The following MUC17 variants were observed in gnomAD, a reference collection of about 807,000 sequenced individuals.
MUC17 encodes mucin 17, cell surface associated.
Under a neutral mutation model 170.3 loss-of-function variants are expected in MUC17, and 190 were observed. That is an observed-to-expected ratio of 1.12 (90% CI 0.99 to 1.26). MUC17 has a LOEUF of 1.26. Among genes scored for constraint, MUC17 ranks in the 50% most tolerant of loss-of-function variants. The pLI is 0.00. For synonymous variants in MUC17, 2,325 were observed against 2,002.5 expected, an observed-to-expected ratio of 1.16 and a Z score of -4.30; for missense variants, 6,415 against 5,530.0, an observed-to-expected ratio of 1.16 and a Z score of -5.08.
At position 101,042,153 on chromosome 7, in the gene MUC17, A is replaced by T. The variant is rs1794732029; in HGVS notation, c.10737A>T (p.Thr3579=). The T allele has an allele frequency of 1.2e-6, 2 of 1,614,152 alleles. No homozygotes were observed. Among genetic ancestry groups the T allele is most frequent in the African/African-American group, 1.3e-5 (1 of 75,028 alleles). ...STPSEGSSSL[T]TMLLSSTYVT... is the part of the protein sequence containing the mutation. The stretch of plus-strand genomic sequence containing the variant: ...CAAGTGAAGGAAGCTCTTCATTAAC[A>T]ACTATGCTCCTCAGCAGCACATATG... Residue 3579 remains threonine, a synonymous_variant, in exon 3 of 13, where the codon ACA becomes ACT. Coordinates refer to ENST00000306151, the MANE Select transcript of MUC17 (RefSeq NM_001040105.2).
At chr7:101,051,225 C>T (rs1794935327) in intron 7 of MUC17, among the ~76,000 whole-genome samples, 1 of 151,792 alleles carries the variant, frequency 6.6e-6, no homozygotes, top group South Asian at 2.1e-4. Context: ...ATTAGCCAGG[C>T]ATGGTGGCAG....
intron 9 of MUC17, 84 bp from the exon 10 acceptor site, chr7:101,052,902 A>C: frequency 6.7e-7 from 1 of 1,495,580 alleles, no homozygotes; most frequent in East Asian, 2.3e-5. Flanking sequence ...CTCTTCATTA[A>C]ACACCCACTG....
At chr7:101,053,689 A>G (rs148293007) in intron 11 of MUC17, 7,259 of 314,854 alleles carry the variant, frequency 0.023, 576 homozygotes, top group East Asian at 0.2. Context: ...ACCAGCCTGG[A>G]CCACATAGTG....
Position 101,043,265 on chromosome 7 carries a change from C to T in MUC17, c.11849C>T (p.Thr3950Ile). 1 of 1,614,204 alleles carries T rather than the reference C, an allele frequency of 6.2e-7. No homozygotes were observed. Among genetic ancestry groups the T allele is most frequent in the Non-Finnish European group, 8.5e-7 (1 of 1,180,044 alleles). ...CCCAGCACTCCTGTCACCAGTTCTA[C>T]TGCTGATGTCTTTCCTGCAACAACT... ...FIPSTPVTSS[T>I]ADVFPATTGA... Residue 3950 changes from threonine to isoleucine, a missense_variant, in exon 3 of 13, where the codon ACT (threonine) becomes ATT (isoleucine). Transcript: ENST00000306151.
At position 101,033,930 on chromosome 7, in the gene MUC17, C is replaced by T. The variant is rs765932098; in HGVS notation, c.2514C>T (p.Thr838=). The T allele has an allele frequency of 1.9e-6, 3 of 1,613,828 alleles. No homozygotes were observed. The East Asian group carries it at 6.7e-5, about 36-fold the overall frequency. ...CTGTTGACTCCAACAGTCCTGTGAC[C>T]ACTTCTACTGAAGTCAGTTCATCTC... ...TTPVDSNSPV[T]TSTEVSSSPT... Residue 838 remains threonine, a synonymous_variant, in exon 3 of 13, where the codon ACC becomes ACT. Transcript: ENST00000306151.
At chr7:101,026,183 C>T (rs1301806998) in intron 1 of MUC17, among the ~76,000 whole-genome samples, 3 of 152,322 alleles carry the variant, frequency 2.0e-5, no homozygotes, top group East Asian at 1.9e-4. Context: ...CAGGGCCTAC[C>T]GGGCACAGTG....
Position 101,038,640 on chromosome 7 carries a change from G to A in MUC17, c.7224G>A (p.Pro2408=), listed in dbSNP as rs142511454. The change falls in exon 3 of 13, where the codon CCG becomes CCA. Residue 2408 remains proline, a synonymous_variant. Transcript: ENST00000306151. ...PLTSVPVSTM[P]VVSSEASTHS... Reference sequence around the variant, plus strand: ...CAAGTGTGCCTGTCAGCACCATGCCGGTGGTCAGTTCTGAGGCTAGCACCC... The same window carrying A: ...CAAGTGTGCCTGTCAGCACCATGCCAGTGGTCAGTTCTGAGGCTAGCACCC... 1.6e-5 allele frequency: 26 copies of A among 1,613,866 alleles called. No individual in the cohort carries two copies. Among genetic ancestry groups the A allele is most frequent in the African/African-American group, 5.3e-5 (4 of 74,920 alleles).
Position 101,047,984 on chromosome 7 carries a change from G to T in MUC17, c.12404G>T (p.Cys4135Phe), listed in dbSNP as rs200612541. 39 of 1,591,360 alleles carry T rather than the reference G, an allele frequency of 2.5e-5. No individual in the cohort carries two copies. The highest frequency in any genetic ancestry group is 3.3e-5 in the Non-Finnish European group (39 of 1,171,054). The change falls in exon 4 of 13, where the codon TGC becomes TTC. Residue 4135 changes from cysteine to phenylalanine, a missense_variant and splice_region_variant. By Grantham distance (205) the Cys-to-Phe change is radical. Coordinates refer to ENST00000306151, the MANE Select transcript of MUC17 (RefSeq NM_001040105.2). ...GAAAACTTCTGTGATTGTTCCACAG[G>T]CTTTGGAGATGGGTGCCAGAATACG... ...STPTVPRTTT[C>F]FGDGCQNTAS...
Position 101,037,674 on chromosome 7 carries a change from C to T in MUC17, c.6258C>T (p.Thr2086=), listed in dbSNP as rs373889472. ...TNSTEASSSA[T]AEGSSMTISA... ...CTACTGAAGCCAGTTCATCTGCAAC[C>T]GCTGAAGGTAGCAGCATGACAATCT... is the stretch of plus-strand genomic sequence containing the variant. The change falls in exon 3 of 13, where the codon ACC becomes ACT. Residue 2086 remains threonine (T), a synonymous_variant. Coordinates refer to ENST00000306151, the MANE Select transcript of MUC17 (RefSeq NM_001040105.2). The T allele has an allele frequency of 2.4e-5, 39 of 1,612,300 alleles. No homozygotes were observed. The highest frequency in any genetic ancestry group is 1.1e-4 in the African/African-American group (8 of 74,440).
Position 101,042,253 on chromosome 7 carries a change from A to G in MUC17, c.10837A>G (p.Ser3613Gly), listed in dbSNP as rs1794737550. Residue 3613 changes from serine to glycine, a missense_variant, in exon 3 of 13, where the codon AGC becomes GGC. Transcript: ENST00000306151. Reference sequence around the variant, plus strand: ...CACACCTGTGACCACTTCTACTCAGAGCAATTCTACTCCTACACCTCCTGA... The same window carrying G: ...CACACCTGTGACCACTTCTACTCAGGGCAATTCTACTCCTACACCTCCTGA... ...RSTPVTTSTQ[S>G]NSTPTPPEVI... The G allele has an allele frequency of 2.5e-6, 4 of 1,612,850 alleles. No individual in the cohort carries two copies. Among genetic ancestry groups the G allele is most frequent in the South Asian group, 1.1e-5 (1 of 91,006 alleles).
At chr7:101,027,455 C>T (rs1380741069) in intron 1 of MUC17, among the ~76,000 whole-genome samples, 2 of 152,110 alleles carry the variant, frequency 1.3e-5, no homozygotes, top group Admixed American at 6.6e-5. Context: ...CTTGAGTGAG[C>T]TTTTCTAGTT....
intron 1 of MUC17, among the ~76,000 whole-genome samples, chr7:101,024,706 A>G (rs1196960918): frequency 7.6e-6 from 1 of 131,904 alleles, no homozygotes. Flanking sequence ...CTTTTATTTC[A>G]CTCCCAAACC....
rs201972102 is a variant in MUC17, at chr7:101,042,851, G to C, written c.11435G>C (p.Arg3812Thr). 2.7e-5 allele frequency: 43 copies of C among 1,614,030 alleles called. No homozygotes were observed. Among genetic ancestry groups the C allele is most frequent in the Non-Finnish European group, 1.1e-5 (13 of 1,180,026 alleles). ...ATGCCTATGTCAACTACGAGTGAAA[G>C]AAGCACTTTATTGACAACTGTCCTC... Reference protein sequence around the residue: ...TTMPMSTTSERSTLLTTVLIS... With the variant: ...TTMPMSTTSETSTLLTTVLIS... The change falls in exon 3 of 13, where the codon AGA (arginine) becomes ACA (threonine). Residue 3812 changes from arginine (R) to threonine (T), a missense_variant. Arg to Thr is a moderately conservative substitution (Grantham distance 71). Transcript: ENST00000306151.
Position 101,036,969 on chromosome 7 carries a change from T to C in MUC17, c.5553T>C (p.Pro1851=). The change falls in exon 3 of 13, where the codon CCT becomes CCC. Residue 1851 remains proline (P), a synonymous_variant. Transcript: ENST00000306151. The part of the protein sequence containing the change: ...TSTAVSSSPT[P]AEGTSIATST... ...CAGCAGTCAGTTCATCTCCTACACC[T>C]GCTGAAGGTACCAGCATAGCAACCT... is the stretch of plus-strand genomic sequence containing the variant. 6.3e-7 allele frequency: 1 copy of C among 1,584,264 alleles called. No individual in the cohort carries two copies. The highest frequency in any genetic ancestry group is 8.5e-7 in the Non-Finnish European group (1 of 1,179,056).
Position 101,035,433 on chromosome 7 carries a change from A to G in MUC17, c.4017A>G (p.Leu1339=), listed in dbSNP as rs771350868. 1.2e-6 allele frequency: 2 copies of G among 1,602,526 alleles called. No homozygotes were observed. Among genetic ancestry groups the G allele is most frequent in the Admixed American group, 3.4e-5 (2 of 59,398 alleles). The change falls in exon 3 of 13, where the codon TTA becomes TTG. Residue 1339 remains leucine (L), a synonymous_variant. Transcript: ENST00000306151. ...CTTATAGTGAAGGAAGAACTCCTTTAACAAGTATACCTGTCAACACCACAC... is the reference window on the plus strand; with the variant it reads ...CTTATAGTGAAGGAAGAACTCCTTTGACAAGTATACCTGTCAACACCACAC... ...TSTYSEGRTP[L]TSIPVNTTLV... is the part of the protein sequence containing the mutation.
chr7:101,028,061 C>T (rs1794211951), intron 1 of MUC17, among the ~76,000 whole-genome samples: 1 of 150,886 alleles, frequency 6.6e-6, no homozygotes, highest in South Asian at 2.1e-4. Flanking sequence ...GTGTGAGCCA[C>T]TGCACCTCAC....
At chr7:101,020,696 C>T (rs1366992805) in intron 1 of MUC17, among the ~76,000 whole-genome samples, 1 of 152,128 alleles carries the variant, frequency 6.6e-6, no homozygotes, top group Non-Finnish European at 1.5e-5. Flanking sequence ...CACATGGGCA[C>T]AAAATGGCGT....
At chr7:101,043,844 T>C in intron 3 of MUC17, 25 bp downstream of exon 3, 1 of 1,567,910 alleles carries the variant, frequency 6.4e-7, no homozygotes, top group Non-Finnish European at 8.7e-7. Flanking sequence ...GAATTTTCCT[T>C]TTTTTTAAAA....
Position 101,036,666 on chromosome 7 carries a change from A to C in MUC17, c.5250A>C (p.Pro1750=), listed in dbSNP as rs4992075. ...PNSTPSEGTT[P]LTSIPVSTTP... Reference sequence around the variant, plus strand: ...CAACTCCTAGTGAAGGAACCACTCCATTAACAAGTATACCTGTCAGCACCA... The same window carrying C: ...CAACTCCTAGTGAAGGAACCACTCCCTTAACAAGTATACCTGTCAGCACCA... The change falls in exon 3 of 13, where the codon CCA becomes CCC. Residue 1750 remains proline (P), a synonymous_variant. Coordinates refer to ENST00000306151, the MANE Select transcript of MUC17 (RefSeq NM_001040105.2). 10 of 1,612,868 alleles carry C rather than the reference A, an allele frequency of 6.2e-6. No individual in the cohort carries two copies. The Admixed American group carries it at 1.2e-4, about 19-fold the overall frequency.
Sources: allele counts gnomAD v4.1 joint callset (sites outside exome capture counted in the v4.1 genomes callset), GRCh38; gene constraint gnomAD v4.1.1; transcripts MANE v1.5; gene names NCBI Gene and HGNC (gene_info 2026-07-23, HGNC 2026-07-21).